The following DHRSX variants were observed in gnomAD, a reference collection of about 807,000 sequenced individuals.
DHRSX encodes the protein dehydrogenase/reductase X-linked, also known as polyprenol dehydrogenase.
In DHRSX, 31 loss-of-function variants were observed where a neutral mutation model predicts 34.0. That is an observed-to-expected ratio of 0.91 (90% confidence interval 0.69 to 1.23). The LOEUF (loss-of-function observed/expected upper bound fraction) is 1.23. Ranked by LOEUF, DHRSX falls within the 50% of genes most tolerant of loss-of-function variation. DHRSX has a pLI of 0.00. For missense variants in DHRSX, 414 were observed against 428.1 expected (o/e 0.97, Z 0.29); for synonymous variants, 201 against 183.8 (o/e 1.09, Z -0.76).
At chrX:2,338,542 C>A (rs1424983219) in intron 3 of DHRSX, among the ~76,000 whole-genome samples, 2 of 151,840 alleles carry the variant, frequency 1.3e-5, no homozygotes, top group Non-Finnish European at 2.9e-5. Context: ...CTGAAGAGAT[C>A]AATGTCCTTT....
At chrX:2,283,194 G>A (rs2041752546) in intron 4 of DHRSX, among the ~76,000 whole-genome samples, 1 of 151,964 alleles carries the variant, frequency 6.6e-6, no homozygotes, top group Non-Finnish European at 1.5e-5. Context: ...CGGACGCCCT[G>A]AACATCTAGC....
intron 3 of DHRSX, among the ~76,000 whole-genome samples, chrX:2,358,599 T>C (rs1478024820): frequency 2.6e-5 from 4 of 152,060 alleles, no homozygotes; most frequent in African/African-American, 7.3e-5. Context: ...GGGAGGCATA[T>C]TACTAAACAA....
At chrX:2,466,725 G>GCC (rs1175034436) in intron 1 of DHRSX, among the ~76,000 whole-genome samples, 1 of 152,048 alleles carries the variant, frequency 6.6e-6, no homozygotes, top group Non-Finnish European at 1.5e-5. Context: ...TGTTCACTAA[G>GCC]CCCCCAAGAC....
intron 5 of DHRSX, among the ~76,000 whole-genome samples, chrX:2,261,978 C>T (rs1316436468): frequency 1.3e-5 from 2 of 152,280 alleles, no homozygotes; most frequent in East Asian, 3.9e-4. Context: ...CTCAGTGAGT[C>T]GTGTCTGCAG....
At chrX:2,370,588 C>T (rs2043045262) in intron 3 of DHRSX, among the ~76,000 whole-genome samples, 1 of 78,952 alleles carries the variant, frequency 1.3e-5, no homozygotes, top group African/African-American at 5.4e-5. Context: ...AATGGTTTTA[C>T]TGAAAAAAAA....
At chrX:2,452,538 G>C (rs191083228) in intron 1 of DHRSX, among the ~76,000 whole-genome samples, 1 of 151,236 alleles carries the variant, frequency 6.6e-6, no homozygotes, top group African/African-American at 2.4e-5. Flanking sequence ...AGACGTTCCC[G>C]AAGAATGTGG....
chrX:2,225,369 C>T (rs1406698381), intron 6 of DHRSX, among the ~76,000 whole-genome samples: 5 of 151,562 alleles, frequency 3.3e-5, no homozygotes, highest in African/African-American at 4.9e-5. Flanking sequence ...TGCACACATG[C>T]TCACACTCAT....
At chrX:2,399,724 G>GGAAAAAAAAAAAAAAAAA (rs2043461171) in intron 3 of DHRSX, among the ~76,000 whole-genome samples, 1 of 25,012 alleles carries the variant, frequency 4.0e-5, no homozygotes. Flanking sequence ...CAAACAAAAA[G>GGAAAAAAAAAAAAAAAAA]CAAAAAAAAA....
chrX:2,248,628 A>AAAAAAAAAAAAAAG (rs1556433590), intron 5 of DHRSX, among the ~76,000 whole-genome samples: 3 of 104,292 alleles, frequency 2.9e-5, no homozygotes, highest in African/African-American at 9.1e-5. Flanking sequence ...AAAAAAAAAG[A>AAAAAAAAAAAAAAG]AAAAGAAAAG....
chrX:2,389,328 T>A (rs1201896216), intron 3 of DHRSX, among the ~76,000 whole-genome samples: 4 of 151,978 alleles, frequency 2.6e-5, no homozygotes, highest in Non-Finnish European at 1.5e-5. Flanking sequence ...AAATCTCCCT[T>A]CTGAAAGAGG....
chrX:2,411,757 A>C (rs1029163550), intron 2 of DHRSX, among the ~76,000 whole-genome samples: 153 of 134,478 alleles, frequency 1.1e-3, no homozygotes, highest in Non-Finnish European at 2.0e-3. Flanking sequence ...CAAAACAAAA[A>C]AAAACAAAGG....
chrX:2,310,667 GAGAA>G (rs1032639852), intron 3 of DHRSX, among the ~76,000 whole-genome samples: 1 of 151,818 alleles, frequency 6.6e-6, no homozygotes, highest in Non-Finnish European at 1.5e-5. Flanking sequence ...GAGAATGGGA[GAGAA>G]AGAGAGAGAC....
At chrX:2,475,129 T>C (rs1034688218) in intron 1 of DHRSX, among the ~76,000 whole-genome samples, 2 of 141,710 alleles carry the variant, frequency 1.4e-5, no homozygotes, top group East Asian at 2.1e-4. Context: ...AAGGGACCAC[T>C]GCTGTGTGCA....
intron 1 of DHRSX, among the ~76,000 whole-genome samples, chrX:2,499,630 G>A (rs758909694): frequency 2.0e-5 from 3 of 152,204 alleles, no homozygotes; most frequent in Admixed American, 6.5e-5. Context: ...ACATTAGCCA[G>A]GCGTGGTGGC....
chrX:2,351,022 T>G (rs2042782677), intron 3 of DHRSX, among the ~76,000 whole-genome samples: 1 of 151,586 alleles, frequency 6.6e-6, no homozygotes, highest in Non-Finnish European at 1.5e-5. Context: ...TAAGTGGGAG[T>G]TGAACAATGA....
At chrX:2,480,294 T>C (rs962585198) in intron 1 of DHRSX, among the ~76,000 whole-genome samples, 4 of 149,922 alleles carry the variant, frequency 2.7e-5, no homozygotes, top group East Asian at 1.9e-4. Flanking sequence ...ATCTCGTATG[T>C]AGAATCTAAA....
chrX:2,314,454 G>C (rs1306301540), intron 3 of DHRSX, among the ~76,000 whole-genome samples: 1 of 108,070 alleles, frequency 9.3e-6, no homozygotes, highest in Non-Finnish European at 1.7e-5. Flanking sequence ...AGGGGAGAAG[G>C]GAGGAAGGAA....
At chrX:2,270,527 T>C (rs1170711283) in intron 4 of DHRSX, among the ~76,000 whole-genome samples, 3 of 152,158 alleles carry the variant, frequency 2.0e-5, no homozygotes, top group Admixed American at 6.6e-5. Context: ...GATGCCCCAT[T>C]GCGCGGAGGG....
intron 3 of DHRSX, among the ~76,000 whole-genome samples, 177 bp downstream of exon 3, chrX:2,408,568 G>A (rs2043587614): frequency 6.6e-6 from 1 of 151,932 alleles, no homozygotes; most frequent in Non-Finnish European, 1.5e-5. Context: ...GCCTTGCCTT[G>A]ACCATCTCCT....
Sources: gnomAD v4.1 joint callset for allele counts (sites outside exome capture counted in the v4.1 genomes callset) on GRCh38, gnomAD v4.1.1 for gene constraint, MANE v1.5 for transcripts, NCBI Gene and HGNC (gene_info 2026-07-23, HGNC 2026-07-21) for gene names.